CASK: variants seen among roughly 807,000 people sequenced by gnomAD.
CASK encodes calcium/calmodulin dependent serine protein kinase.
In CASK, 4 loss-of-function variants were observed where a neutral mutation model predicts 82.9. The ratio of observed to expected loss-of-function variants is 0.05; its 90% CI spans 0.02 to 0.11. The LOEUF (loss-of-function observed/expected upper bound fraction) is 0.11, where lower values mean the gene tolerates loss of function less well. Ranked by LOEUF, CASK falls within the 10% of genes least tolerant of loss-of-function variation. The pLI is 1.00. For synonymous variants in CASK, 259 were observed against 253.5 expected (o/e 1.02, Z -0.20); for missense variants, 358 against 720.9 (o/e 0.50, Z 5.76).
At chrX:41,829,293 C>T (rs1473074119) in intron 2 of CASK, among the ~76,000 whole-genome samples, 5 of 110,921 alleles carry the variant, frequency 4.5e-5, no homozygotes, top group African/African-American at 1.6e-4. Flanking sequence ...TCACTACCTT[C>T]CCCCACCGGT....
intron 15 of CASK, among the ~76,000 whole-genome samples, chrX:41,576,429 C>T (rs934630393): frequency 9.0e-6 from 1 of 110,925 alleles, no homozygotes; most frequent in African/African-American, 3.3e-5. Flanking sequence ...GAACATCACA[C>T]CTTCCTGCCT....
chrX:41,640,213 T>TC (rs2066625289), intron 8 of CASK, among the ~76,000 whole-genome samples: 1 of 110,668 alleles, frequency 9.0e-6, no homozygotes, highest in Non-Finnish European at 1.9e-5. Flanking sequence ...CATTGTTCTT[T>TC]TTTTTTTTGA....
At chrX:41,647,511 G>A (rs1254996064) in intron 8 of CASK, among the ~76,000 whole-genome samples, 1 of 111,263 alleles carries the variant, frequency 9.0e-6, no homozygotes, top group Admixed American at 9.6e-5. Context: ...AAGTTTCTCT[G>A]TTTAATCGGT....
chrX:41,810,280 A>G (rs995686871), intron 2 of CASK, among the ~76,000 whole-genome samples: 4 of 111,975 alleles, frequency 3.6e-5, no homozygotes, highest in Admixed American at 2.8e-4. Flanking sequence ...TCCAAGATAC[A>G]TAACTGTCAG....
At chrX:41,626,547 G>T in intron 10 of CASK, 57 bp downstream of exon 10, 1 of 718,435 alleles carries the variant, frequency 1.4e-6, no homozygotes, top group Non-Finnish European at 2.2e-6. Context: ...CAATGGGAGA[G>T]AATGGATGTA....
intron 1 of CASK, among the ~76,000 whole-genome samples, chrX:41,867,048 A>G (rs1402401663): frequency 8.9e-6 from 1 of 112,303 alleles, no homozygotes; most frequent in African/African-American, 3.2e-5. Context: ...TATTAAAATC[A>G]TGGCACACTG....
intron 14 of CASK, among the ~76,000 whole-genome samples, chrX:41,579,450 T>A (rs1305258500): frequency 8.9e-6 from 1 of 112,010 alleles, no homozygotes; most frequent in African/African-American, 3.2e-5. Flanking sequence ...TCTCTATTTG[T>A]CAGCTTGGTG....
At chrX:41,578,631 C>T (rs2065519297) in intron 14 of CASK, 103 bp from the exon 15 acceptor site, 3 of 611,456 alleles carry the variant, frequency 4.9e-6, no homozygotes, top group East Asian at 3.6e-5. Flanking sequence ...CTCTGTCACC[C>T]AGGGTGCAGT....
intron 1 of CASK, among the ~76,000 whole-genome samples, chrX:41,909,229 C>T (rs1470279305): frequency 1.8e-5 from 2 of 112,155 alleles, no homozygotes; most frequent in Non-Finnish European, 1.9e-5. Flanking sequence ...TTGAAAACCA[C>T]TGATCTAAAC....
chrX:41,565,046 G>A (rs1296242898), intron 16 of CASK, among the ~76,000 whole-genome samples: 2 of 111,999 alleles, frequency 1.8e-5, no homozygotes, highest in Non-Finnish European at 3.8e-5. Context: ...TGAGAACAAA[G>A]ACACAACGTA....
intron 11 of CASK, among the ~76,000 whole-genome samples, chrX:41,611,521 T>C (rs912105310): frequency 3.6e-5 from 4 of 111,454 alleles, no homozygotes; most frequent in Admixed American, 9.5e-5. Context: ...TAATGGAATA[T>C]GTAGCCAAAT....
chrX:41,687,046 T>G (rs1342590633), intron 5 of CASK, among the ~76,000 whole-genome samples: 1 of 111,825 alleles, frequency 8.9e-6, no homozygotes. Context: ...CTGTGCTGAC[T>G]CACATTGAGG....
Position 41,517,594 on chromosome X carries a change from A to C in CASK, c.*2826T>G, listed in dbSNP as rs2064572398. On this transcript the variant is annotated 3_prime_UTR_variant, in exon 27 of 27. Coordinates refer to ENST00000378163, the MANE Select transcript of CASK (RefSeq NM_001367721.1). Reference sequence around the variant, plus strand: ...GAGTTGGGTGGGGGAGAGAACCTTCAAAATGTGGCTCTCCAATACTTCAAT... The same window carrying C: ...GAGTTGGGTGGGGGAGAGAACCTTCCAAATGTGGCTCTCCAATACTTCAAT... 1 of 371,490 alleles carries C rather than the reference A, an allele frequency of 2.7e-6. No homozygotes were observed. Among genetic ancestry groups the C allele is most frequent in the African/African-American group, 2.6e-5 (1 of 38,063 alleles). The allele number at this position is 371,490 out of a possible 1,213,427, so 30.6% of individuals were successfully genotyped here. A position where few individuals can be genotyped will look rare whatever the true frequency, so the allele number is the denominator to read the frequency against.
intron 26 of CASK, among the ~76,000 whole-genome samples, chrX:41,521,761 A>G (rs760990020): frequency 8.9e-6 from 1 of 112,263 alleles, no homozygotes; most frequent in South Asian, 3.7e-4. Context: ...TGAGTCTTAA[A>G]TATACATAGA....
At chrX:41,887,362 AT>A (rs1303560974) in intron 1 of CASK, among the ~76,000 whole-genome samples, 2 of 108,306 alleles carry the variant, frequency 1.8e-5, no homozygotes, top group Non-Finnish European at 3.8e-5. Context: ...TCCAACCCAA[AT>A]ACTCAAATAT....
chrX:41,652,987 G>A (rs1037346732), intron 8 of CASK, among the ~76,000 whole-genome samples: 1 of 111,874 alleles, frequency 8.9e-6, no homozygotes, highest in Non-Finnish European at 1.9e-5. Context: ...AGGCCTTGGG[G>A]ACCAAGCCCT....
intron 1 of CASK, among the ~76,000 whole-genome samples, chrX:41,892,071 T>C (rs2072180003): frequency 9.1e-6 from 1 of 110,147 alleles, no homozygotes; most frequent in Non-Finnish European, 1.9e-5. Context: ...CACATACCTG[T>C]AGTCCCAGTT....
At chrX:41,650,420 G>A (rs1396804565) in intron 8 of CASK, among the ~76,000 whole-genome samples, 4 of 108,990 alleles carry the variant, frequency 3.7e-5, no homozygotes, top group Non-Finnish European at 7.6e-5. Flanking sequence ...GGGACTATAG[G>A]TGCATGGCAT....
intron 2 of CASK, among the ~76,000 whole-genome samples, chrX:41,798,353 G>T (rs1275796370): frequency 8.9e-6 from 1 of 112,457 alleles, no homozygotes; most frequent in East Asian, 2.8e-4. Flanking sequence ...ACAAAGATGA[G>T]ATGATTATTT....
Sources: gnomAD v4.1 joint callset for allele counts (sites outside exome capture counted in the v4.1 genomes callset) on GRCh38, gnomAD v4.1.1 for gene constraint, MANE v1.5 for transcripts, NCBI Gene and HGNC (gene_info 2026-07-23, HGNC 2026-07-21) for gene names.